ARHGAP28: variants seen among roughly 807,000 people sequenced by gnomAD.
ARHGAP28 encodes the protein Rho GTPase activating protein 28, also known as rho GTPase-activating protein 28.
ARHGAP28 carries 56 observed loss-of-function variants against 90.7 expected under a neutral mutation model. That is an observed-to-expected ratio of 0.62 (90% CI 0.50 to 0.77). The LOEUF is 0.77. ARHGAP28 is among the 30% of genes least tolerant of loss of function. The pLI is 0.00. For missense variants in ARHGAP28, 869 were observed against 900.9 expected (o/e 0.96, Z 0.45); for synonymous variants, 308 against 323.3 (o/e 0.95, Z 0.51).
At chr18:6,761,665 A>G (rs2143336031) in intron 1 of ARHGAP28, among the ~76,000 whole-genome samples, 1 of 152,320 alleles carries the variant, frequency 6.6e-6, no homozygotes, top group Non-Finnish European at 1.5e-5. Context: ...TGGGAAGTAA[A>G]GCCAACAAGC....
chr18:6,736,751 AAAAAAAAC>A, intron 1 of ARHGAP28, among the ~76,000 whole-genome samples: 1 of 147,790 alleles, frequency 6.8e-6, no homozygotes, highest in Non-Finnish European at 1.5e-5. Context: ...CCATTTCAAA[AAAAAAAAC>A]AAAAAACAGA....
intron 3 of ARHGAP28, among the ~76,000 whole-genome samples, chr18:6,838,588 C>T (rs528402739): frequency 6.6e-6 from 1 of 152,328 alleles, no homozygotes; most frequent in Non-Finnish European, 1.5e-5. Flanking sequence ...ATACATATGA[C>T]TACCAACACT....
intron 6 of ARHGAP28, 22 bp downstream of exon 6, chr18:6,868,256 G>C: frequency 6.2e-7 from 1 of 1,605,886 alleles, no homozygotes; most frequent in African/African-American, 1.3e-5. Flanking sequence ...GCCTCCTGTT[G>C]AACTTCAGCT....
At chr18:6,819,607 A>G (rs577835955) in intron 1 of ARHGAP28, among the ~76,000 whole-genome samples, 1 of 152,290 alleles carries the variant, frequency 6.6e-6, no homozygotes, top group South Asian at 2.1e-4. Context: ...AATTTGTAGA[A>G]GCTCCAAATG....
At chr18:6,741,815 T>G (rs2055980171) in intron 1 of ARHGAP28, among the ~76,000 whole-genome samples, 1 of 152,260 alleles carries the variant, frequency 6.6e-6, no homozygotes, top group Non-Finnish European at 1.5e-5. Flanking sequence ...GGCTCATTAG[T>G]ATTTTACTCT....
intron 3 of ARHGAP28, among the ~76,000 whole-genome samples, chr18:6,841,152 CCTCTTT>C (rs1319469916): frequency 1.8e-4 from 20 of 112,234 alleles, no homozygotes; most frequent in Non-Finnish European, 9.8e-5. Flanking sequence ...CTGTCTCTCT[CCTCTTT>C]CTCTCTCTCC....
At chr18:6,892,296 C>T (rs967443672) in intron 14 of ARHGAP28, among the ~76,000 whole-genome samples, 3 of 152,026 alleles carry the variant, frequency 2.0e-5, no homozygotes, top group Admixed American at 2.0e-4. Flanking sequence ...TTACAGGTGC[C>T]TGCCATCATG....
At chr18:6,801,936 G>T (rs930140886) in intron 1 of ARHGAP28, among the ~76,000 whole-genome samples, 1 of 152,006 alleles carries the variant, frequency 6.6e-6, no homozygotes. Context: ...TCAGCCTCTG[G>T]TAACTACCAG....
Position 6,896,628 on chromosome 18 carries a change from T to A in ARHGAP28, c.2030+2T>A. On this transcript the variant is annotated splice_donor_variant, in intron 16 of 17. Transcript: ENST00000383472. LOFTEE classifies it high-confidence loss of function. ...GGCAAAATTTCAATATGAAAACAGG[T>A]GAGTCAATGTGAATGAAGGTCTCTG... The A allele has an allele frequency of 6.2e-7, 1 of 1,613,838 alleles. No homozygotes were observed. Among genetic ancestry groups the A allele is most frequent in the Non-Finnish European group, 8.5e-7 (1 of 1,179,928 alleles).
chr18:6,779,937 GAATGA>G (rs2056311812), intron 1 of ARHGAP28, among the ~76,000 whole-genome samples: 2 of 152,226 alleles, frequency 1.3e-5, no homozygotes, highest in Non-Finnish European at 2.9e-5. Context: ...GCTTACATAA[GAATGA>G]TCCCTATGAA....
In ARHGAP28 at chr18:6,873,617, A is replaced by G. The variant is rs746140164; in HGVS notation, c.1120+43A>G. On this transcript the variant is annotated intron_variant, in intron 8 of 17. Coordinates refer to ENST00000383472, the MANE Select transcript of ARHGAP28 (RefSeq NM_001366230.1). ...TTGCTTCTGGCTTTAACACTTTGACACAGTGGAATAAGATAATGCTTTTCT... is the reference window on the plus strand; with the variant it reads ...TTGCTTCTGGCTTTAACACTTTGACGCAGTGGAATAAGATAATGCTTTTCT... 4 of 1,609,696 alleles carry G rather than the reference A, an allele frequency of 2.5e-6. 1 individual carries two copies. The highest frequency in any genetic ancestry group is 2.2e-5 in the South Asian group (2 of 90,036).
intron 1 of ARHGAP28, among the ~76,000 whole-genome samples, chr18:6,824,285 T>A (rs2056646066): frequency 6.6e-6 from 1 of 152,168 alleles, no homozygotes; most frequent in Non-Finnish European, 1.5e-5. Context: ...ACACCTGTAA[T>A]CCCAGCACTT....
chr18:6,893,874 T>G (rs1567985642), intron 14 of ARHGAP28, among the ~76,000 whole-genome samples: 1 of 149,494 alleles, frequency 6.7e-6, no homozygotes, highest in African/African-American at 2.5e-5. Context: ...TTGGTTTTTT[T>G]TTTTTTTTTT....
rs1360464023 is a variant in ARHGAP28, at chr18:6,914,366, G to A, written c.*2212G>A. ...GTGTGGCAACTTTCAACTTCCATAC[G>A]TATATATGTATGTATGGAAGGCCAT... On this transcript the variant is annotated 3_prime_UTR_variant, in exon 18 of 18. Transcript: ENST00000383472. 1 of 152,054 alleles carries A rather than the reference G, an allele frequency of 6.6e-6. No homozygotes were observed. The highest frequency in any genetic ancestry group is 1.5e-5 in the Non-Finnish European group (1 of 67,994). The allele number at this position is 152,054 out of a possible 1,614,324, so 9.4% of individuals were successfully genotyped here.
At chr18:6,772,866 G>A (rs1600169954) in intron 1 of ARHGAP28, among the ~76,000 whole-genome samples, 3 of 151,750 alleles carry the variant, frequency 2.0e-5, no homozygotes, top group East Asian at 3.9e-4. Context: ...TCAGCCTCCC[G>A]AGTAGCTGGG....
chr18:6,859,270 C>T (rs925221394), intron 4 of ARHGAP28, among the ~76,000 whole-genome samples: 3 of 152,078 alleles, frequency 2.0e-5, no homozygotes, highest in African/African-American at 7.2e-5. Context: ...ATGGGTGGCC[C>T]ATGTCTGATA....
chr18:6,854,118 C>T (rs2056933196), intron 4 of ARHGAP28, among the ~76,000 whole-genome samples: 1 of 152,014 alleles, frequency 6.6e-6, no homozygotes, highest in Non-Finnish European at 1.5e-5. Context: ...ATATTAGGAA[C>T]ATATGACAAC....
chr18:6,877,394 G>T (rs1201998736), intron 10 of ARHGAP28, among the ~76,000 whole-genome samples: 1 of 152,236 alleles, frequency 6.6e-6, no homozygotes, highest in Non-Finnish European at 1.5e-5. Flanking sequence ...CCATGGAGGA[G>T]CCGTGTGCTG....
chr18:6,837,484 G>A (rs2056763264), intron 3 of ARHGAP28, 70 bp downstream of exon 3: 1 of 1,081,298 alleles, frequency 9.2e-7, no homozygotes, highest in South Asian at 1.4e-5. Context: ...GTGGGGCTGG[G>A]GTGGAAAAAA....
Sources: gnomAD v4.1 joint callset for allele counts (sites outside exome capture counted in the v4.1 genomes callset) on GRCh38, gnomAD v4.1.1 for gene constraint, MANE v1.5 for transcripts, NCBI Gene and HGNC (gene_info 2026-07-23, HGNC 2026-07-21) for gene names.